DPY19L3: variants seen among roughly 807,000 people sequenced by gnomAD.
DPY19L3 encodes dpy-19 like C-mannosyltransferase 3, also known as protein C-mannosyl-transferase DPY19L3.
Under a neutral mutation model 92.3 loss-of-function variants are expected in DPY19L3, and 51 were observed. The ratio of observed to expected loss-of-function variants is 0.55; its 90% CI spans 0.44 to 0.70. The LOEUF (loss-of-function observed/expected upper bound fraction) is 0.70. Ranked by LOEUF, DPY19L3 falls within the 30% of genes least tolerant of loss-of-function variation. The probability of loss-of-function intolerance (pLI) is 0.00; values close to 1 mark genes in which losing one functional copy is unlikely to be tolerated. For missense variants in DPY19L3, 706 were observed against 855.9 expected, an observed-to-expected ratio of 0.82 and a Z score of 2.18; for synonymous variants, 309 against 315.2, an observed-to-expected ratio of 0.98 and a Z score of 0.21.
chr19:32,431,455 T>C (rs1385026701), intron 3 of DPY19L3, among the ~76,000 whole-genome samples: 1 of 152,244 alleles, frequency 6.6e-6, no homozygotes, highest in Admixed American at 6.5e-5. Flanking sequence ...GTTTTGTTTT[T>C]AACACTGGTG....
intron 16 of DPY19L3, among the ~76,000 whole-genome samples, chr19:32,470,996 T>TA (rs1970343046): frequency 6.6e-6 from 1 of 152,154 alleles, no homozygotes; most frequent in Admixed American, 6.5e-5. Flanking sequence ...AGACATCAAA[T>TA]ATGTTTGTTT....
chr19:32,423,429 T>TTTTTTTTG (rs1968646018), intron 3 of DPY19L3, among the ~76,000 whole-genome samples: 1 of 137,410 alleles, frequency 7.3e-6, no homozygotes. Flanking sequence ...TTGGTATTTT[T>TTTTTTTTG]AGTAGAGACA....
intron 11 of DPY19L3, 71 bp from the exon 12 acceptor site, chr19:32,458,276 CCTCT>C: frequency 6.3e-7 from 1 of 1,583,216 alleles, no homozygotes; most frequent in Non-Finnish European, 8.6e-7. Flanking sequence ...TTGCAGACTC[CCTCT>C]GAGGAAAGAT....
At chr19:32,411,194 T>C in intron 2 of DPY19L3, 45 bp from the exon 3 acceptor site, 1 of 1,572,826 alleles carries the variant, frequency 6.4e-7, no homozygotes, top group Non-Finnish European at 8.6e-7. Context: ...TACATTCTGA[T>C]TTTTTTACTG....
rs899325890 is a variant in DPY19L3, at chr19:32,445,208, G to A, written c.855+5298G>A. On this transcript the variant is annotated intron_variant, in intron 8 of 18. Coordinates refer to ENST00000392250, the MANE Select transcript of DPY19L3 (RefSeq NM_001172774.2). ...TGTAATCCCATTACTTTGGGAGGCCGAGGCAGACGGATCATGGGGTCAGGA... is the reference window on the plus strand; with the variant it reads ...TGTAATCCCATTACTTTGGGAGGCCAAGGCAGACGGATCATGGGGTCAGGA... 5.9e-5 allele frequency among the ~76,000 whole-genome samples: 9 copies of A among 151,830 alleles called. No homozygotes were observed. The South Asian group carries it at 6.2e-4, about 11-fold the overall frequency.
chr19:32,478,915 G>C (rs1970591761), intron 17 of DPY19L3, among the ~76,000 whole-genome samples: 1 of 152,048 alleles, frequency 6.6e-6, no homozygotes, highest in Non-Finnish European at 1.5e-5. Flanking sequence ...GGAAGTGCTG[G>C]GTCAGGGTTG....
At chr19:32,458,296 G>A (rs1969930646) in intron 11 of DPY19L3, 55 bp from the exon 12 acceptor site, 6 of 1,590,102 alleles carry the variant, frequency 3.8e-6, no homozygotes, top group Non-Finnish European at 4.3e-6. Flanking sequence ...AAGATGCAAT[G>A]TCATTTCTTT....
At chr19:32,428,003 A>G (rs965156919) in intron 3 of DPY19L3, 2 of 117,484 alleles carry the variant, frequency 1.7e-5, no homozygotes, top group African/African-American at 3.4e-5. Flanking sequence ...ACAGAGTTTC[A>G]CTCCATCACC....
At chr19:32,435,142 C>T (rs1411650454) in intron 4 of DPY19L3, among the ~76,000 whole-genome samples, 6 of 152,086 alleles carry the variant, frequency 3.9e-5, no homozygotes, top group Non-Finnish European at 7.4e-5. Flanking sequence ...CTCACATAGC[C>T]TTTCCCTCTG....
At position 32,439,007 on chromosome 19, in the gene DPY19L3, T is replaced by C. The variant is rs1969237827; in HGVS notation, c.597-105T>C. The C allele has an allele frequency of 4.0e-6, 5 of 1,245,050 alleles. No individual in the cohort carries two copies. The East Asian group carries it at 1.2e-4, about 29-fold the overall frequency. The allele number at this position is 1,245,050 out of a possible 1,614,324, so 77.1% of individuals were successfully genotyped here. A position where few individuals can be genotyped will look rare whatever the true frequency, so the allele number is the denominator to read the frequency against. On this transcript the variant is annotated intron_variant, in intron 6 of 18. Coordinates refer to ENST00000392250, the MANE Select transcript of DPY19L3 (RefSeq NM_001172774.2). Reference sequence around the variant, plus strand: ...TTATTGAGAACCAGTGGCCAGAATCTTAAGTATACTTGTCCTTAATGTAAT... The same window carrying C: ...TTATTGAGAACCAGTGGCCAGAATCCTAAGTATACTTGTCCTTAATGTAAT...
Position 32,458,453 on chromosome 19 carries a change from A to G in DPY19L3, c.1266A>G (p.Ile422Met), listed in dbSNP as rs1339940688. The part of the protein sequence containing the change: ...LSDTLLFYAY[I>M]FVLSITVIVA... Reference sequence around the variant, plus strand: ...ATACTCTGCTTTTTTATGCTTACATATTCGTTCTGTCCATCACAGTGATTG... The same window carrying G: ...ATACTCTGCTTTTTTATGCTTACATGTTCGTTCTGTCCATCACAGTGATTG... The change falls in exon 12 of 19, where the codon ATA (isoleucine) becomes ATG (methionine). Residue 422 changes from isoleucine to methionine, a missense_variant. Physicochemically the swap from Ile to Met is conservative, Grantham distance 10. Coordinates refer to ENST00000392250, the MANE Select transcript of DPY19L3 (RefSeq NM_001172774.2). 1 of 1,613,738 alleles carries G rather than the reference A, an allele frequency of 6.2e-7. No homozygotes were observed. Among genetic ancestry groups the G allele is most frequent in the Admixed American group, 1.7e-5 (1 of 60,004 alleles).
chr19:32,419,643 A>G (rs1178781305), intron 3 of DPY19L3, among the ~76,000 whole-genome samples: 2 of 151,926 alleles, frequency 1.3e-5, no homozygotes, highest in African/African-American at 4.8e-5. Flanking sequence ...TTTGTTGTAC[A>G]GGCTGTTCTT....
At chr19:32,455,772 C>T (rs1279318289) in intron 10 of DPY19L3, among the ~76,000 whole-genome samples, 1 of 152,146 alleles carries the variant, frequency 6.6e-6, no homozygotes, top group African/African-American at 2.4e-5. Flanking sequence ...TTTACAATGC[C>T]CCAGGGGCTC....
intron 12 of DPY19L3, among the ~76,000 whole-genome samples, chr19:32,462,065 C>A (rs1970057473): frequency 6.6e-6 from 1 of 152,074 alleles, no homozygotes. Context: ...ATAAATTAAT[C>A]ATGGTAAGAG....
intron 2 of DPY19L3, among the ~76,000 whole-genome samples, chr19:32,410,652 A>G (rs1317526178): frequency 6.6e-6 from 1 of 152,112 alleles, no homozygotes; most frequent in Non-Finnish European, 1.5e-5. Flanking sequence ...GCATGGTGGC[A>G]TGTGCCTGTA....
intron 3 of DPY19L3, among the ~76,000 whole-genome samples, chr19:32,417,477 C>T (rs749919734): frequency 9.2e-5 from 14 of 152,290 alleles, no homozygotes; most frequent in African/African-American, 3.1e-4. Context: ...CGTGCCACCA[C>T]GCCTGGCTAA....
intron 18 of DPY19L3, chr19:32,481,419 T>C (rs1014504822): frequency 2.0e-5 from 3 of 152,066 alleles, no homozygotes; most frequent in African/African-American, 7.2e-5. Context: ...TATTTATTTA[T>C]TTATTTATTT....
Position 32,482,263 on chromosome 19 carries a change from A to C in DPY19L3, c.*23A>C, listed in dbSNP as rs373585101. The C allele has an allele frequency of 1.3e-6, 2 of 1,599,560 alleles. No homozygotes were observed. Among genetic ancestry groups the C allele is most frequent in the Non-Finnish European group, 1.7e-6 (2 of 1,174,900 alleles). On this transcript the variant is annotated 3_prime_UTR_variant, in exon 19 of 19. Coordinates refer to ENST00000392250, the MANE Select transcript of DPY19L3 (RefSeq NM_001172774.2). ...TAGCGCAGATTTCTGCCCAGTGTCT[A>C]TTTTTGATACGGAGAAACTGCATCA...
chr19:32,480,353 C>A lies in DPY19L3; in HGVS notation c.1831-46C>A, dbSNP rs1405449540. On this transcript the variant is annotated intron_variant, in intron 17 of 18. Coordinates refer to ENST00000392250, the MANE Select transcript of DPY19L3 (RefSeq NM_001172774.2). ...TTACATCACATAGTTAACTCCCTGG[C>A]AGTCAAGTAGCATTTGCCACATTGC... The A allele has an allele frequency of 2.5e-6, 4 of 1,572,872 alleles. No individual in the cohort carries two copies. In the African/African-American group the frequency reaches 4.0e-5, roughly 16 times the overall value.
Sources: gnomAD v4.1 joint callset for allele counts (sites outside exome capture counted in the v4.1 genomes callset) on GRCh38, gnomAD v4.1.1 for gene constraint, MANE v1.5 for transcripts, NCBI Gene and HGNC (gene_info 2026-07-23, HGNC 2026-07-21) for gene names.